Variants in HIVEP1 observed in about 807,000 individuals in gnomAD.
HIVEP1 encodes the protein zinc finger protein 40.
Under a neutral mutation model 180.0 loss-of-function variants are expected in HIVEP1, and 36 were observed. The observed-to-expected ratio is 0.20, with a 90% CI of 0.15 to 0.26. The LOEUF (loss-of-function observed/expected upper bound fraction) is 0.26, where lower values mean the gene tolerates loss of function less well. HIVEP1 is among the 10% of genes least tolerant of loss of function. The pLI is 1.00. For synonymous variants in HIVEP1, 1,239 were observed against 1,239.0 expected (o/e 1.00, Z 0.00); for missense variants, 3,143 against 3,268.7 (o/e 0.96, Z 0.94).
At chr6:12,155,168 GTGTTT>G (rs1418164765) in intron 7 of HIVEP1, among the ~76,000 whole-genome samples, 1 of 152,180 alleles carries the variant, frequency 6.6e-6, no homozygotes, top group African/African-American at 2.4e-5. Flanking sequence ...TTCGAATGTT[GTGTTT>G]TAATTTTCAT....
chr6:12,051,014 ATATATATATATATATATG>A (rs1770491638), intron 2 of HIVEP1, among the ~76,000 whole-genome samples: 1 of 132,760 alleles, frequency 7.5e-6, no homozygotes, highest in South Asian at 2.4e-4. Context: ...ATATATATAT[ATATATATATATATATATG>A]TATATTAAAA....
At chr6:12,020,784 G>A (rs1415880937) in intron 2 of HIVEP1, among the ~76,000 whole-genome samples, 1 of 151,994 alleles carries the variant, frequency 6.6e-6, no homozygotes, top group East Asian at 1.9e-4. Context: ...TGAAAATTTG[G>A]TGTAGCTGTT....
chr6:12,200,468 A>G, the HIVEP1 span, among the ~76,000 whole-genome samples: 1 of 152,190 alleles, frequency 6.6e-6, no homozygotes, highest in African/African-American at 2.4e-5. Context: ...TTGCCCTTGA[A>G]TTCTTTCCTG....
intron 7 of HIVEP1, among the ~76,000 whole-genome samples, chr6:12,159,878 T>C (rs1364411459): frequency 6.6e-6 from 1 of 152,234 alleles, no homozygotes; most frequent in Non-Finnish European, 1.5e-5. Context: ...TGTCAAGTTC[T>C]TTTCATCCCC....
chr6:12,140,138 A>G (rs191611847), intron 7 of HIVEP1, among the ~76,000 whole-genome samples: 318 of 152,330 alleles, frequency 2.1e-3, no homozygotes, highest in African/African-American at 7.0e-3. Context: ...CGAAGCTTCC[A>G]GAGGAAGGAT....
chr6:12,188,299 C>T, the HIVEP1 span, among the ~76,000 whole-genome samples: 2 of 152,156 alleles, frequency 1.3e-5, no homozygotes, highest in Admixed American at 6.5e-5. Flanking sequence ...TTCATCATAT[C>T]ATCTTCATGG....
intron 2 of HIVEP1, among the ~76,000 whole-genome samples, chr6:12,019,939 C>T (rs955896678): frequency 4.6e-5 from 7 of 152,092 alleles, no homozygotes; most frequent in Admixed American, 2.0e-4. Flanking sequence ...TGTGCAATAC[C>T]GGAATCTATC....
intron 2 of HIVEP1, among the ~76,000 whole-genome samples, chr6:12,032,051 G>A (rs1768982120): frequency 6.6e-6 from 1 of 151,700 alleles, no homozygotes; most frequent in Non-Finnish European, 1.5e-5. Flanking sequence ...TACAAATAGT[G>A]TGATGATTGT....
chr6:12,130,732 C>G (rs759931946), intron 5 of HIVEP1, 35 bp from the exon 6 acceptor site: 1 of 1,254,578 alleles, frequency 8.0e-7, no homozygotes, highest in African/African-American at 1.5e-5. Context: ...GGCATAGTGT[C>G]CAATCTCCCT....
chr6:12,146,894 C>T (rs1759407010), intron 7 of HIVEP1, among the ~76,000 whole-genome samples: 1 of 151,980 alleles, frequency 6.6e-6, no homozygotes, highest in Admixed American at 6.6e-5. Context: ...AGGTTCACTT[C>T]CCAAGGCTGG....
downstream of HIVEP1, among the ~76,000 whole-genome samples, chr6:12,167,656 T>TGTATAA (rs1196803171): frequency 5.9e-3 from 646 of 108,964 alleles, 18 homozygotes; most frequent in Non-Finnish European, 9.7e-3. Context: ...CATATATATG[T>TGTATAA]TATATATACA....
intron 2 of HIVEP1, among the ~76,000 whole-genome samples, chr6:12,084,582 A>G (rs959644558): frequency 6.6e-6 from 1 of 152,152 alleles, no homozygotes; most frequent in Non-Finnish European, 1.5e-5. Flanking sequence ...AGTTCACAGT[A>G]AGAGTAAGGT....
intron 7 of HIVEP1, among the ~76,000 whole-genome samples, chr6:12,150,939 C>T (rs1024727923): frequency 5.9e-5 from 9 of 152,138 alleles, no homozygotes; most frequent in Non-Finnish European, 1.2e-4. Context: ...ACTGAGTGTA[C>T]GTGGGCCAGG....
chr6:12,148,877 T>G (rs1378291528), intron 7 of HIVEP1, among the ~76,000 whole-genome samples: 1 of 152,204 alleles, frequency 6.6e-6, no homozygotes, highest in Non-Finnish European at 1.5e-5. Context: ...GAAACTCTTT[T>G]ATTTCCTGGG....
chr6:12,186,131 T>TA, the HIVEP1 span, among the ~76,000 whole-genome samples: 1 of 151,916 alleles, frequency 6.6e-6, no homozygotes, highest in Non-Finnish European at 1.5e-5. Flanking sequence ...CAAAAGCAAG[T>TA]AAAAATCTAA....
chr6:12,176,286 T>C, the HIVEP1 span, among the ~76,000 whole-genome samples: 1 of 140,096 alleles, frequency 7.1e-6, no homozygotes, highest in Non-Finnish European at 1.5e-5. Context: ...CAGGCTGGAG[T>C]GTGATGGCTG....
At chr6:12,089,314 A>T (rs1241854445) in intron 3 of HIVEP1, 77 bp downstream of exon 3, 1 of 815,864 alleles carries the variant, frequency 1.2e-6, no homozygotes, top group Non-Finnish European at 2.0e-6. Flanking sequence ...ATGTAGCCTT[A>T]TGAAATAAAT....
chr6:12,169,179 G>A (rs548492738), downstream of HIVEP1, among the ~76,000 whole-genome samples: 14 of 152,204 alleles, frequency 9.2e-5, 2 homozygotes, highest in African/African-American at 3.4e-4. Context: ...GAGCCACTGT[G>A]CCCGGTAAAT....
chr6:12,121,942 C>T lies in HIVEP1; in HGVS notation c.2147C>T (p.Thr716Met), dbSNP rs771484039. ...SNGPSAALVTTSTPSALPTGE... is the reference protein window; with the variant it reads ...SNGPSAALVTMSTPSALPTGE... ...GGACCCTCTGCAGCTCTTGTCACCACGTCAACACCCTCTGCTTTGCCCACA... is the reference window on the plus strand; with the variant it reads ...GGACCCTCTGCAGCTCTTGTCACCATGTCAACACCCTCTGCTTTGCCCACA... The change falls in exon 4 of 9, where the codon ACG becomes ATG. Residue 716 changes from threonine to methionine, a missense_variant. Thr to Met is a moderately conservative substitution (Grantham distance 81). Transcript: ENST00000379388. The surrounding 1 kb of genome is among the most constrained non-coding windows in gnomAD (Gnocchi z 5.3). 9.3e-6 allele frequency: 15 copies of T among 1,614,152 alleles called. 1 individual carries two copies. Among genetic ancestry groups the T allele is most frequent in the Admixed American group, 5.0e-5 (3 of 60,028 alleles).
Sources: gnomAD v4.1 joint callset for allele counts (sites outside exome capture counted in the v4.1 genomes callset) on GRCh38, gnomAD v4.1.1 for gene constraint, Gnocchi (gnomAD v3.1) non-coding constraint, MANE v1.5 for transcripts, NCBI Gene and HGNC (gene_info 2026-07-23, HGNC 2026-07-21) for gene names.